Variants in ZBTB40 observed in about 807,000 individuals in gnomAD.
ZBTB40 encodes zinc finger and BTB domain-containing protein 40.
A neutral mutation model predicts 117.5 loss-of-function variants in ZBTB40; 60 were observed. That is an observed-to-expected ratio of 0.51 (90% confidence interval 0.41 to 0.63). The LOEUF (loss-of-function observed/expected upper bound fraction) is 0.63, where lower values mean the gene tolerates loss of function less well. Among genes scored for constraint, ZBTB40 ranks in the 30% least tolerant of loss-of-function variants. The pLI is 0.00. For missense variants in ZBTB40, 1,287 were observed against 1,498.5 expected (o/e 0.86, Z 2.33); for synonymous variants, 525 against 577.1 (o/e 0.91, Z 1.29).
Position 22,511,299 on chromosome 1 carries a change from A to G in ZBTB40, c.1954A>G (p.Lys652Glu). 2 of 1,614,130 alleles carry G rather than the reference A, an allele frequency of 1.2e-6. No homozygotes were observed. Among genetic ancestry groups the G allele is most frequent in the Non-Finnish European group, 1.7e-6 (2 of 1,180,034 alleles). ...EICHLLCSVH[K>E]SFPGLQPVMQ... ...ATGCCACCTCCTGTGCAGTGTCCAC[A>G]AATCTTTTCCAGGCCTGCAGCCTGT... is the stretch of plus-strand genomic sequence containing the variant. Residue 652 changes from lysine (K) to glutamate (E), a missense_variant, in exon 10 of 18, where the codon AAA becomes GAA. Around this residue, in one of 2 missense-constraint regions of ZBTB40, gnomAD observed 870 missense variants for 934.4 expected, o/e 0.93. Transcript: ENST00000375647.
At chr1:22,469,978 GA>G (rs1343917722) in intron 1 of ZBTB40, among the ~76,000 whole-genome samples, 2 of 152,108 alleles carry the variant, frequency 1.3e-5, no homozygotes, top group South Asian at 2.1e-4. Flanking sequence ...AACATTCGAA[GA>G]AAAAAATGAT....
At chr1:22,491,904 A>G (rs1638640375) in intron 3 of ZBTB40, among the ~76,000 whole-genome samples, 1 of 152,242 alleles carries the variant, frequency 6.6e-6, no homozygotes, top group Admixed American at 6.5e-5. Context: ...TACTCAAAAC[A>G]TGAACAAAAA....
At chr1:22,446,462 C>G (rs974153206) in intron 1 of ZBTB40, among the ~76,000 whole-genome samples, 4 of 151,884 alleles carry the variant, frequency 2.6e-5, no homozygotes, top group Admixed American at 2.0e-4. Context: ...AAAACTCTAC[C>G]TAACCATATC....
rs753514645 is a variant in ZBTB40, at chr1:22,520,137, T to C, written c.2910T>C (p.His970=). 6.6e-5 allele frequency: 106 copies of C among 1,614,100 alleles called. No homozygotes were observed. The highest frequency in any genetic ancestry group is 8.1e-5 in the Non-Finnish European group (96 of 1,180,028). The change falls in exon 14 of 18, where the codon CAT becomes CAC. Residue 970 remains histidine (H), a synonymous_variant. Coordinates refer to ENST00000375647, the MANE Select transcript of ZBTB40 (RefSeq NM_014870.4). ...TTCAGGATCACCGGAAGCACATCCA[T>C]GAGGTGCACTCCAAAGAGTACCACC... The part of the protein sequence containing the change: ...PTLQDHRKHI[H]EVHSKEYHPC...
At position 22,526,551 on chromosome 1, in the gene ZBTB40, C is replaced by T. The variant is rs950371049; in HGVS notation, c.*155C>T. 4.6e-5 allele frequency: 45 copies of T among 971,042 alleles called. No individual in the cohort carries two copies. Among genetic ancestry groups the T allele is most frequent in the South Asian group, 1.7e-4 (12 of 70,578 alleles). 60.2% of individuals were successfully genotyped at this position (971,042 alleles called of 1,614,324 possible). On this transcript the variant is annotated 3_prime_UTR_variant, in exon 18 of 18. Coordinates refer to ENST00000375647, the MANE Select transcript of ZBTB40 (RefSeq NM_014870.4). ...TCACCTAGAAAACAGATGGAAGCTTCGTTGTTCTCATAGAACCAACAGCAT... is the reference window on the plus strand; with the variant it reads ...TCACCTAGAAAACAGATGGAAGCTTTGTTGTTCTCATAGAACCAACAGCAT...
Position 22,511,672 on chromosome 1 carries a change from G to T in ZBTB40, c.2003-4G>T. On this transcript the variant is annotated splice_region_variant and splice_polypyrimidine_tract_variant and intron_variant, in intron 10 of 17. Transcript: ENST00000375647. Reference sequence around the variant, plus strand: ...CAGAGCCACGAGATGTCTCTTTTATGCAGGTGTCCTTACTAAGGAAGATGG... The same window carrying T: ...CAGAGCCACGAGATGTCTCTTTTATTCAGGTGTCCTTACTAAGGAAGATGG... 2 of 1,611,052 alleles carry T rather than the reference G, an allele frequency of 1.2e-6. No homozygotes were observed. Among genetic ancestry groups the T allele is most frequent in the Non-Finnish European group, 1.7e-6 (2 of 1,179,284 alleles).
chr1:22,517,618 T>C, intron 13 of ZBTB40, 154 bp downstream of exon 13: 1 of 856,776 alleles, frequency 1.2e-6, no homozygotes, highest in East Asian at 2.7e-5. Context: ...CCCTCATTCC[T>C]AGTTCAGGAA....
At chr1:22,445,840 G>A (rs373301429) in intron 1 of ZBTB40, among the ~76,000 whole-genome samples, 4 of 130,600 alleles carry the variant, frequency 3.1e-5, no homozygotes, top group South Asian at 2.7e-4. Context: ...GGGCAATAGC[G>A]CAAGACTCCG....
At chr1:22,504,661 G>C (rs78490646) in intron 5 of ZBTB40, among the ~76,000 whole-genome samples, 2,828 of 152,270 alleles carry the variant, frequency 0.019, 50 homozygotes, top group Non-Finnish European at 0.027. Flanking sequence ...GTTAGGCAAG[G>C]CCCTATGAAC....
rs1639619915 is a variant in ZBTB40 at position 22,524,387 on chromosome 1, T to C, written c.3468T>C (p.Ser1156=). ...SQAQLDSHLE[S]EHPKVMSTET... is the part of the protein sequence containing the mutation. ...CCCAGCTTGACAGTCACCTGGAATC[T>C]GAGCACCCAAAGGTGATGAGCACGG... The change falls in exon 17 of 18, where the codon TCT becomes TCC. Residue 1156 remains serine, a synonymous_variant. Coordinates refer to ENST00000375647, the MANE Select transcript of ZBTB40 (RefSeq NM_014870.4). 1 of 1,614,222 alleles carries C rather than the reference T, an allele frequency of 6.2e-7. No homozygotes were observed. The highest frequency in any genetic ancestry group is 8.5e-7 in the Non-Finnish European group (1 of 1,180,038).
intron 12 of ZBTB40, among the ~76,000 whole-genome samples, chr1:22,515,149 A>G (rs1013703464): frequency 6.6e-6 from 1 of 152,208 alleles, no homozygotes; most frequent in African/African-American, 2.4e-5. Context: ...AGCCAGTGAA[A>G]GACCTAGAAG....
chr1:22,447,107 A>G (rs1474353298), upstream of ZBTB40, among the ~76,000 whole-genome samples: 1 of 152,134 alleles, frequency 6.6e-6, no homozygotes, highest in Non-Finnish European at 1.5e-5. Context: ...TATCTCAAAA[A>G]AAAAAAAAAA....
At chr1:22,486,962 T>C (rs1473151735) in intron 1 of ZBTB40, among the ~76,000 whole-genome samples, 1 of 152,154 alleles carries the variant, frequency 6.6e-6, no homozygotes, top group Non-Finnish European at 1.5e-5. Flanking sequence ...CTCGAACTCC[T>C]GACCTCAAGT....
intron 1 of ZBTB40, among the ~76,000 whole-genome samples, chr1:22,485,083 G>A (rs146813235): frequency 5.9e-5 from 9 of 152,286 alleles, no homozygotes; most frequent in African/African-American, 1.7e-4. Flanking sequence ...CTATCTTAAC[G>A]AGAGATACTG....
At chr1:22,523,290 C>G (rs1223710597) in intron 16 of ZBTB40, among the ~76,000 whole-genome samples, 1 of 152,144 alleles carries the variant, frequency 6.6e-6, no homozygotes, top group Non-Finnish European at 1.5e-5. Context: ...AAAAGAAAAA[C>G]TACTGCCAGT....
Position 22,527,769 on chromosome 1 carries a change from T to A in ZBTB40, c.*1373T>A, listed in dbSNP as rs1639721276. On this transcript the variant is annotated 3_prime_UTR_variant, in exon 18 of 18. Transcript: ENST00000375647. ...AGGCAGGAGTCACGTTTGGTCACCA[T>A]GGAAGCTTTTATTGCTCCCACATGG... 6.6e-6 allele frequency: 1 copy of A among 152,428 alleles called. No individual in the cohort carries two copies. The highest frequency in any genetic ancestry group is 1.5e-5 in the Non-Finnish European group (1 of 68,064). The allele number at this position is 152,428 out of a possible 1,614,324, so 9.4% of individuals were successfully genotyped here.
intron 1 of ZBTB40, among the ~76,000 whole-genome samples, chr1:22,444,108 GTC>G (rs1640762320): frequency 6.6e-6 from 1 of 152,106 alleles, no homozygotes; most frequent in African/African-American, 2.4e-5. Context: ...TTGTTACACT[GTC>G]TCTCTAAAAT....
intron 13 of ZBTB40, 120 bp from the exon 14 acceptor site, chr1:22,519,941 C>G (rs74877287): frequency 2.2e-6 from 2 of 915,438 alleles, no homozygotes; most frequent in Non-Finnish European, 3.6e-6. Flanking sequence ...CTGCCTGTTA[C>G]GTAAAGCAGA....
chr1:22,431,245 C>CATATACAATATTGTATACATTGAAT (rs1640576839), intron 1 of ZBTB40, among the ~76,000 whole-genome samples: 1 of 90,780 alleles, frequency 1.1e-5, no homozygotes, highest in South Asian at 3.0e-4. Flanking sequence ...ATATAGTATG[C>CATATACAATATTGTATACATTGAAT]ATATACAATA....
Sources: allele counts gnomAD v4.1 joint callset (sites outside exome capture counted in the v4.1 genomes callset), GRCh38; gene constraint gnomAD v4.1.1; regional missense constraint gnomAD v4.1.1; transcripts MANE v1.5; gene names NCBI Gene and HGNC (gene_info 2026-07-23, HGNC 2026-07-21).